Variants in GNL3 observed in about 807,000 individuals in gnomAD.
The protein encoded by GNL3 is guanine nucleotide-binding protein-like 3.
A neutral mutation model predicts 70.6 loss-of-function variants in GNL3; 77 were observed. That is an observed-to-expected ratio of 1.09 (90% CI 0.91 to 1.32). The LOEUF (loss-of-function observed/expected upper bound fraction) is 1.32. Among genes scored for constraint, GNL3 ranks in the 40% most tolerant of loss-of-function variants. The pLI is 0.00. For missense variants in GNL3, 634 were observed against 644.0 expected, an observed-to-expected ratio of 0.98 and a Z score of 0.17; for synonymous variants, 252 against 216.1, an observed-to-expected ratio of 1.17 and a Z score of -1.46.
intron 5 of GNL3, among the ~76,000 whole-genome samples, chr3:52,688,489 A>G (rs1038537628): frequency 3.9e-5 from 6 of 152,208 alleles, no homozygotes; most frequent in Non-Finnish European, 5.9e-5. Context: ...CCTGACGGAA[A>G]TAGTTTCTTT....
At chr3:52,688,533 T>C (rs1368087983) in intron 5 of GNL3, among the ~76,000 whole-genome samples, 1 of 152,202 alleles carries the variant, frequency 6.6e-6, no homozygotes, top group Non-Finnish European at 1.5e-5. Context: ...TGGTTCTGCC[T>C]GTAAGCATGA....
intron 5 of GNL3, among the ~76,000 whole-genome samples, 179 bp downstream of exon 5, chr3:52,688,371 CA>C (rs1327160871): frequency 6.6e-6 from 1 of 152,136 alleles, no homozygotes; most frequent in Non-Finnish European, 1.5e-5. Context: ...CCTAGTACGA[CA>C]TTAGTTATCT....
intron 6 of GNL3, chr3:52,689,445 G>A: frequency 1.7e-6 from 1 of 571,980 alleles, no homozygotes; most frequent in Non-Finnish European, 3.2e-6. Flanking sequence ...AAGAGTGTAA[G>A]CTGCTATACC....
intron 1 of GNL3, chr3:52,686,481 G>A: frequency 1.8e-6 from 1 of 568,320 alleles, no homozygotes; most frequent in Non-Finnish European, 3.1e-6. Context: ...CTTATGATTC[G>A]TGCTGTTTGA....
intron 9 of GNL3, 44 bp from the exon 10 acceptor site, chr3:52,692,828 C>G: frequency 6.6e-7 from 1 of 1,512,904 alleles, no homozygotes; most frequent in Non-Finnish European, 9.1e-7. Flanking sequence ...TCTTAACCTC[C>G]AAATAGACCA....
At chr3:52,686,126 G>A in intron 1 of GNL3, 21 bp downstream of exon 1, 1 of 1,585,930 alleles carries the variant, frequency 6.3e-7, no homozygotes, top group Non-Finnish European at 8.7e-7. Flanking sequence ...TCGGGAGGCG[G>A]GCGTGGAGGG....
rs889334020 is a variant in GNL3 at position 52,689,367 on chromosome 3, A to G, written c.541+161A>G. ...GTGCTAGGCAGTGGGGAGCCAGGTG[A>G]CTTTTACAACTGACTCAACTGGTTT... On this transcript the variant is annotated intron_variant, in intron 6 of 14. Transcript: ENST00000418458. 5.3e-6 allele frequency: 4 copies of G among 759,072 alleles called. No individual in the cohort carries two copies. In the African/African-American group the frequency reaches 6.8e-5, roughly 13 times the overall value. 47.0% of individuals were successfully genotyped at this position (759,072 alleles called of 1,614,324 possible).
intron 6 of GNL3, among the ~76,000 whole-genome samples, chr3:52,689,745 G>A (rs1339069143): frequency 1.3e-5 from 2 of 152,182 alleles, no homozygotes; most frequent in Non-Finnish European, 2.9e-5. Flanking sequence ...TTGAGGCCAG[G>A]AGTTCGAGAA....
intron 10 of GNL3, 28 bp downstream of exon 10, chr3:52,693,074 T>A (rs1404437011): frequency 6.2e-7 from 1 of 1,610,668 alleles, no homozygotes; most frequent in South Asian, 1.1e-5. Flanking sequence ...CATGAGCTCC[T>A]TGGAGCCATC....
chr3:52,689,458 G>A (rs2097325212), intron 6 of GNL3: 4 of 538,896 alleles, frequency 7.4e-6, no homozygotes. Flanking sequence ...GCTATACCCA[G>A]CTTATTGTGT....
rs995952521 is a variant in GNL3 at position 52,694,201 on chromosome 3, T to C, written c.1576T>C (p.Ser526Pro). 19 of 1,600,800 alleles carry C rather than the reference T, an allele frequency of 1.2e-5. 1 individual carries two copies. The Middle Eastern group carries it at 9.0e-4, about 76-fold the overall frequency. Reference protein sequence around the residue: ...LSEETTAGEQSTRSFILDKII... With the variant: ...LSEETTAGEQPTRSFILDKII... ...ATTTTCCTGCAATATAGGTGAACAG[T>C]CTACAAGGTCTTTTATCTTGGATAA... The change falls in exon 15 of 15, where the codon TCT becomes CCT. Residue 526 changes from serine (S) to proline (P), a missense_variant. Ser to Pro is a moderately conservative substitution (Grantham distance 74). Transcript: ENST00000418458.
rs2097329459 is a variant in GNL3 at position 52,693,535 on chromosome 3, A to C, written c.1315A>C (p.Ser439Arg). The C allele has an allele frequency of 1.2e-6, 2 of 1,614,112 alleles. No homozygotes were observed. The highest frequency in any genetic ancestry group is 2.7e-5 in the African/African-American group (2 of 74,936). Residue 439 changes from serine (S) to arginine (R), a missense_variant, in exon 12 of 15, where the codon AGC (serine) becomes CGC (arginine). Transcript: ENST00000418458. ...AGAACTGGAAAAGAACAATGCACAG[A>C]GCATAAGAGGTGAGAATTGTGTGTC... is the stretch of plus-strand genomic sequence containing the variant. ...LEELEKNNAQ[S>R]IRAIKGPHLA...
At chr3:52,692,571 C>T (rs561968825) in intron 9 of GNL3, among the ~76,000 whole-genome samples, 1 of 152,136 alleles carries the variant, frequency 6.6e-6, no homozygotes, top group Non-Finnish European at 1.5e-5. Flanking sequence ...CCCACCTCGG[C>T]CTCCCAAAGT....
chr3:52,694,016 C>CTAT (rs1391889994), intron 13 of GNL3, 21 bp from the exon 14 acceptor site: 4 of 1,601,540 alleles, frequency 2.5e-6, no homozygotes, highest in Non-Finnish European at 3.4e-6. Flanking sequence ...TAATCCAGCA[C>CTAT]TATTTTTCTT....
At chr3:52,689,254 C>T (rs766857049) in intron 6 of GNL3, 48 bp downstream of exon 6, 16 of 1,531,580 alleles carry the variant, frequency 1.0e-5, no homozygotes, top group Admixed American at 5.0e-5. Flanking sequence ...GGGTGAGGTA[C>T]GAGGAAACAG....
chr3:52,691,072 G>A lies in GNL3; in HGVS notation c.781+1G>A. On this transcript the variant is annotated splice_donor_variant, in intron 8 of 14. Coordinates refer to ENST00000418458, the MANE Select transcript of GNL3 (RefSeq NM_014366.5). LOFTEE classifies it high-confidence loss of function. The stretch of plus-strand genomic sequence containing the variant: ...AAAGCCATTCGGGTTGGAGTAATTG[G>A]TGAGTTTCAGTTCATTACTTTTTAC... 6.2e-7 allele frequency: 1 copy of A among 1,613,286 alleles called. No homozygotes were observed. The highest frequency in any genetic ancestry group is 8.5e-7 in the Non-Finnish European group (1 of 1,179,254).
At position 52,693,474 on chromosome 3, in the gene GNL3, T is replaced by C. The variant is rs370993886; in HGVS notation, c.1254T>C (p.Ser418=). ...CTCCTCCTCCATATTTTAATGAGAG[T>C]ATTGTGGTAGACATGAAAAGCGGCT... is the stretch of plus-strand genomic sequence containing the variant. ...SWTPPPYFNE[S]IVVDMKSGFN... Residue 418 remains serine (S), a synonymous_variant, in exon 12 of 15, where the codon AGT becomes AGC. Coordinates refer to ENST00000418458, the MANE Select transcript of GNL3 (RefSeq NM_014366.5). 8.1e-6 allele frequency: 13 copies of C among 1,613,838 alleles called. No homozygotes were observed. Among genetic ancestry groups the C allele is most frequent in the African/African-American group, 8.0e-5 (6 of 74,886 alleles).
chr3:52,691,009 T>C lies in GNL3; in HGVS notation c.719T>C (p.Leu240Pro), dbSNP rs770155151. The C allele has an allele frequency of 7.4e-6, 12 of 1,613,710 alleles. No homozygotes were observed. Among genetic ancestry groups the C allele is most frequent in the Non-Finnish European group, 7.6e-6 (9 of 1,179,594 alleles). Residue 240 changes from leucine (L) to proline (P), a missense_variant, in exon 8 of 15, where the codon CTT (leucine) becomes CCT (proline). By Grantham distance (98) the Leu-to-Pro change is moderately conservative. Coordinates refer to ENST00000418458, the MANE Select transcript of GNL3 (RefSeq NM_014366.5). Reference sequence around the variant, plus strand: ...GAAGTCTGCTTTGGGAAAGAGGGCCTTTGGAAACTTCTTGGAGGTTTTCAG... The same window carrying C: ...GAAGTCTGCTTTGGGAAAGAGGGCCCTTGGAAACTTCTTGGAGGTTTTCAG... ...RSEVCFGKEG[L>P]WKLLGGFQET...
Position 52,688,178 on chromosome 3 carries a change from C to G in GNL3, c.394C>G (p.Gln132Glu). The G allele has an allele frequency of 6.2e-7, 1 of 1,600,214 alleles. No homozygotes were observed. The highest frequency in any genetic ancestry group is 1.3e-5 in the African/African-American group (1 of 74,724). Residue 132 changes from glutamine to glutamate, a missense_variant, in exon 5 of 15, where the codon CAA becomes GAA. Physicochemically the swap from Gln to Glu is conservative, Grantham distance 29 (BLOSUM62 2). Coordinates refer to ENST00000418458, the MANE Select transcript of GNL3 (RefSeq NM_014366.5). ...GKQNSKKLYCQELKKVIEASD... is the reference protein window; with the variant it reads ...GKQNSKKLYCEELKKVIEASD... ...ACAGAATTCAAAGAAGCTGTACTGC[C>G]AAGAACTTAAAAAGGTATCTTAGCC...
Sources: allele counts gnomAD v4.1 joint callset (sites outside exome capture counted in the v4.1 genomes callset), GRCh38; gene constraint gnomAD v4.1.1; transcripts MANE v1.5; gene names NCBI Gene and HGNC (gene_info 2026-07-23, HGNC 2026-07-21).